The following MICU3 variants were observed in gnomAD, a reference collection of about 807,000 sequenced individuals.
MICU3 encodes the protein calcium uptake protein 3, mitochondrial.
Under a neutral mutation model 66.5 loss-of-function variants are expected in MICU3, and 62 were observed. The observed-to-expected ratio is 0.93, with a 90% CI of 0.76 to 1.15. The LOEUF (loss-of-function observed/expected upper bound fraction) is 1.15, where lower values mean the gene tolerates loss of function less well. Among genes scored for constraint, MICU3 ranks in the 50% most tolerant of loss-of-function variants. MICU3 has a pLI of 0.00. For missense variants in MICU3, 779 were observed against 664.4 expected, an observed-to-expected ratio of 1.17 and a Z score of -1.90; for synonymous variants, 308 against 240.7, an observed-to-expected ratio of 1.28 and a Z score of -2.59.
At chr8:17,037,007 G>A (rs557198934) in intron 1 of MICU3, among the ~76,000 whole-genome samples, 105 of 152,334 alleles carry the variant, frequency 6.9e-4, no homozygotes, top group Admixed American at 5.0e-3. Context: ...CGCAGCGCCC[G>A]TGGGCTGGCA....
At chr8:17,049,495 C>T (rs1440975273) in intron 1 of MICU3, 1 of 484,044 alleles carries the variant, frequency 2.1e-6, no homozygotes, top group African/African-American at 2.0e-5. Flanking sequence ...TTAATCTTTA[C>T]AGTTTGTGGG....
the MICU3 span, among the ~76,000 whole-genome samples, chr8:17,133,874 C>A: frequency 6.6e-6 from 1 of 152,166 alleles, no homozygotes; most frequent in East Asian, 1.9e-4. Context: ...ATAAACTATT[C>A]TCTTCATTTG....
chr8:17,056,691 G>A (rs1015115215), intron 1 of MICU3, among the ~76,000 whole-genome samples: 1 of 152,208 alleles, frequency 6.6e-6, no homozygotes, highest in African/African-American at 2.4e-5. Context: ...TGTGTGGTCA[G>A]AGTCTAAGGT....
At chr8:17,074,726 C>G (rs1820122746) in intron 3 of MICU3, among the ~76,000 whole-genome samples, 1 of 151,378 alleles carries the variant, frequency 6.6e-6, no homozygotes. Flanking sequence ...TCTGTACTTA[C>G]TAATTTTTCT....
intron 7 of MICU3, among the ~76,000 whole-genome samples, chr8:17,088,982 A>T (rs1006335685): frequency 3.3e-5 from 5 of 151,984 alleles, no homozygotes; most frequent in African/African-American, 1.2e-4. Context: ...GTATTATTTT[A>T]TTTTATATGG....
chr8:17,098,956 GGGTATGGGAGTTTGAGAA>G (rs1397727192), intron 9 of MICU3, among the ~76,000 whole-genome samples: 6 of 151,664 alleles, frequency 4.0e-5, no homozygotes, highest in African/African-American at 1.5e-4. Context: ...CAAGGGCCTG[GGGTATGGGAGTTTGAGAA>G]GGTATGGTAG....
rs559638822 is a variant in MICU3, at chr8:17,074,190, T to C, written c.568-3593T>C. Among the ~76,000 whole-genome samples, 13 of 152,140 alleles carry C rather than the reference T, an allele frequency of 8.5e-5. No individual in the cohort carries two copies. The South Asian group carries it at 2.5e-3, about 29-fold the overall frequency. ...TGTGAGCTGCCGTGCCCAGCCTGTA[T>C]AGTGGAATTTTCTAGAGGCTGTTTG... On this transcript the variant is annotated intron_variant, in intron 3 of 14. Transcript: ENST00000318063.
chr8:17,027,381 C>T lies in MICU3; in HGVS notation c.102C>T (p.Thr34=), dbSNP rs761724049. 2.7e-6 allele frequency: 4 copies of T among 1,460,742 alleles called. No homozygotes were observed. In the Admixed American group the frequency reaches 7.9e-5, roughly 29 times the overall value. 90.5% of individuals were successfully genotyped at this position (1,460,742 alleles called of 1,614,324 possible). ...LLGPWGRPAV[T]TLGLPGRPFS... ...GGCCGTGGGGGCGGCCTGCGGTGAC[C>T]ACCCTGGGCCTTCCTGGCCGGCCCT... The change falls in exon 1 of 15, where the codon ACC becomes ACT. Residue 34 remains threonine, a synonymous_variant. Coordinates refer to ENST00000318063, the MANE Select transcript of MICU3 (RefSeq NM_181723.3).
chr8:17,087,085 T>A, intron 7 of MICU3, 50 bp downstream of exon 7: 1 of 1,150,120 alleles, frequency 8.7e-7, no homozygotes, highest in Non-Finnish European at 1.3e-6. Context: ...GCAACAATTA[T>A]TTTATTCATG....
chr8:17,035,877 A>G (rs1225227086), intron 1 of MICU3, among the ~76,000 whole-genome samples: 3 of 152,208 alleles, frequency 2.0e-5, no homozygotes, highest in Non-Finnish European at 4.4e-5. Flanking sequence ...TTAGTCACCA[A>G]GACAGTGGGA....
chr8:17,083,974 C>T lies in MICU3; in HGVS notation c.695-1262C>T, dbSNP rs150485593. Among the ~76,000 whole-genome samples the T allele has an allele frequency of 1.8e-3, 278 of 152,096 alleles. 2 individuals are homozygous for T. The East Asian group carries it at 0.022, about 12-fold the overall frequency. ...AGGGTCAGAAAAAACATACATAGTGCGTTTTGGCACAGAAAGGTTAGGATC... is the reference window on the plus strand; with the variant it reads ...AGGGTCAGAAAAAACATACATAGTGTGTTTTGGCACAGAAAGGTTAGGATC... On this transcript the variant is annotated intron_variant, in intron 5 of 14. Transcript: ENST00000318063.
chr8:17,132,794 C>T, the MICU3 span: 2 of 152,148 alleles, frequency 1.3e-5, no homozygotes, highest in Non-Finnish European at 2.9e-5. Flanking sequence ...TTAGGTGTTG[C>T]TACGGTCTGA....
downstream of MICU3, among the ~76,000 whole-genome samples, chr8:17,124,695 G>C (rs1222144365): frequency 6.6e-6 from 1 of 151,634 alleles, no homozygotes; most frequent in Admixed American, 6.6e-5. Flanking sequence ...TAAATTTTGA[G>C]ATCTCGTGTG....
chr8:17,084,782 A>G (rs568683003), intron 5 of MICU3, among the ~76,000 whole-genome samples: 1 of 152,250 alleles, frequency 6.6e-6, no homozygotes, highest in South Asian at 2.1e-4. Context: ...TGAAGCCTCT[A>G]GAAGTTTAAA....
chr8:17,085,400 C>G, intron 6 of MICU3, 82 bp downstream of exon 6: 1 of 835,984 alleles, frequency 1.2e-6, no homozygotes, highest in Admixed American at 2.1e-5. Context: ...ATTGGGAGTA[C>G]TACTGTAGAG....
intron 2 of MICU3, among the ~76,000 whole-genome samples, chr8:17,066,688 ACATGCCAC>A (rs1467023502): frequency 4.0e-5 from 6 of 151,132 alleles, no homozygotes; most frequent in African/African-American, 1.5e-4. Context: ...GACTACAGGC[ACATGCCAC>A]CATGCCACCA....
the MICU3 span, among the ~76,000 whole-genome samples, chr8:17,136,193 C>T: frequency 6.6e-6 from 1 of 152,062 alleles, no homozygotes; most frequent in East Asian, 1.9e-4. Flanking sequence ...AATTATATTT[C>T]CCTAAGAGTT....
downstream of MICU3, among the ~76,000 whole-genome samples, chr8:17,124,565 C>G (rs1585600098): frequency 6.6e-6 from 1 of 152,146 alleles, no homozygotes; most frequent in East Asian, 1.9e-4. Flanking sequence ...GATCTCCCCT[C>G]TCTCTCTGTT....
the MICU3 span, among the ~76,000 whole-genome samples, chr8:17,127,959 A>C: frequency 3.3e-5 from 5 of 152,194 alleles, no homozygotes; most frequent in Admixed American, 3.3e-4. Flanking sequence ...TTAGAGCCTG[A>C]ATTGGACTTG....
Sources: allele counts gnomAD v4.1 joint callset (sites outside exome capture counted in the v4.1 genomes callset), GRCh38; gene constraint gnomAD v4.1.1; transcripts MANE v1.5; gene names NCBI Gene and HGNC (gene_info 2026-07-23, HGNC 2026-07-21).